FBXW11: variants seen among roughly 807,000 people sequenced by gnomAD.
The protein encoded by FBXW11 is F-box/WD repeat-containing protein 11.
Under a neutral mutation model 77.6 loss-of-function variants are expected in FBXW11, and 19 were observed. The observed-to-expected ratio is 0.24, with a 90% CI of 0.17 to 0.36. The LOEUF is 0.36. FBXW11 is among the 10% of genes least tolerant of loss of function. The pLI is 1.00. For synonymous variants in FBXW11, 235 were observed against 249.4 expected (o/e 0.94, Z 0.54); for missense variants, 334 against 704.2 (o/e 0.47, Z 5.95).
intron 7 of FBXW11, among the ~76,000 whole-genome samples, chr5:171,890,329 C>G (rs1581155924): frequency 6.6e-6 from 1 of 152,010 alleles, no homozygotes; most frequent in Non-Finnish European, 1.5e-5. Context: ...TCAAGACCAG[C>G]CTGGGCAACA....
intron 2 of FBXW11, among the ~76,000 whole-genome samples, chr5:171,956,443 T>C (rs1763618436): frequency 6.6e-6 from 1 of 152,166 alleles, no homozygotes; most frequent in Non-Finnish European, 1.5e-5. Context: ...GAACTCGCTC[T>C]CCAGTTAACT....
At chr5:171,944,501 G>C (rs1286635540) in intron 2 of FBXW11, among the ~76,000 whole-genome samples, 1 of 149,234 alleles carries the variant, frequency 6.7e-6, no homozygotes, top group Non-Finnish European at 1.5e-5. Flanking sequence ...CGTGAACCCC[G>C]GCAGGGCGGA....
intron 2 of FBXW11, among the ~76,000 whole-genome samples, chr5:171,916,011 T>C (rs1761209396): frequency 6.6e-6 from 1 of 151,476 alleles, no homozygotes; most frequent in South Asian, 2.1e-4. Flanking sequence ...ACACTGCATG[T>C]TCTCACTCAT....
chr5:171,961,649 A>AT (rs140027847), intron 1 of FBXW11, among the ~76,000 whole-genome samples: 31,281 of 150,342 alleles, frequency 0.21, 6,611 homozygotes, highest in African/African-American at 0.55. Flanking sequence ...ACAGTAATTG[A>AT]TTTTTTTTTT....
chr5:171,999,563 C>T (rs1490080606), intron 1 of FBXW11, among the ~76,000 whole-genome samples: 1 of 152,004 alleles, frequency 6.6e-6, no homozygotes, highest in Non-Finnish European at 1.5e-5. Flanking sequence ...CCCTCTGCCC[C>T]CTTTCTCTTT....
intron 1 of FBXW11, among the ~76,000 whole-genome samples, chr5:172,006,162 G>C (rs770191524): frequency 2.0e-5 from 3 of 152,226 alleles, no homozygotes; most frequent in Admixed American, 6.5e-5. Flanking sequence ...GAGCGAGTGC[G>C]ACCTAAGTCT....
chr5:171,999,215 G>A (rs1338686479), intron 1 of FBXW11, among the ~76,000 whole-genome samples: 2 of 152,106 alleles, frequency 1.3e-5, no homozygotes, highest in African/African-American at 2.4e-5. Context: ...ACTATGGCTA[G>A]TAGCGAACTG....
At chr5:171,910,022 C>T (rs987699376) in intron 4 of FBXW11, among the ~76,000 whole-genome samples, 8 of 149,838 alleles carry the variant, frequency 5.3e-5, no homozygotes, top group Non-Finnish European at 1.2e-4. Flanking sequence ...ACTCATTCAA[C>T]AGACCAAATG....
intron 1 of FBXW11, among the ~76,000 whole-genome samples, chr5:171,967,853 T>A (rs1320660490): frequency 2.1e-3 from 37 of 18,014 alleles, no homozygotes; most frequent in Admixed American, 4.8e-3. Context: ...AAAAAAAAAA[T>A]GCATATATAT....
rs771184353 is a variant in FBXW11, at chr5:171,868,743, G to A, written c.1584C>T (p.Ser528=). Residue 528 remains serine (S), a synonymous_variant, in exon 13 of 14, where the codon AGC becomes AGT. Coordinates refer to ENST00000517395, the MANE Select transcript of FBXW11 (RefSeq NM_001378974.1). ...RLQFDEFQII[S]SSHDDTILIW... ...TCAAAATAGTGTCATCATGGGAGCT[G>A]CTGATGATCTGAAACTCATCAAACT... is the stretch of plus-strand genomic sequence containing the variant. 4 of 1,613,792 alleles carry A rather than the reference G, an allele frequency of 2.5e-6. No individual in the cohort carries two copies. In the South Asian group the frequency reaches 4.4e-5, roughly 18 times the overall value.
intron 2 of FBXW11, among the ~76,000 whole-genome samples, chr5:171,948,105 C>T (rs181357635): frequency 3.5e-4 from 53 of 150,868 alleles, no homozygotes; most frequent in African/African-American, 1.1e-3. Context: ...CATGGTGGCA[C>T]GTGCCTGTAA....
At chr5:171,968,439 A>C (rs1170783365) in intron 1 of FBXW11, among the ~76,000 whole-genome samples, 4 of 145,514 alleles carry the variant, frequency 2.7e-5, no homozygotes, top group African/African-American at 1.0e-4. Flanking sequence ...CCTGGGCGAA[A>C]GAGCCAGACT....
rs951040334 is a variant in FBXW11, at chr5:171,896,177, G to A, written c.714+2827C>T. Among the ~76,000 whole-genome samples the A allele has an allele frequency of 5.9e-5, 9 of 152,186 alleles. 1 individual carries two copies. The highest frequency in any genetic ancestry group is 2.4e-5 in the African/African-American group (1 of 41,518). ...CCTCATCAGAGCCAAATCTGGGAAC[G>A]TACAGATTACAGGAGCTGGCACATA... On this transcript the variant is annotated intron_variant, in intron 6 of 13. Transcript: ENST00000517395.
chr5:171,994,508 C>T (rs1765919394), intron 1 of FBXW11, among the ~76,000 whole-genome samples: 1 of 152,114 alleles, frequency 6.6e-6, no homozygotes, highest in African/African-American at 2.4e-5. Context: ...AATGCTGAAT[C>T]AGTATACAGC....
Position 171,891,581 on chromosome 5 carries a change from A to G in FBXW11, c.738T>C (p.Cys246=). ...GAATCCTCTGCAAGTTGTGTCGTCC[A>G]CACCGCCAGTTAGATTCTATAGTCT... ...DIETIESNWR[C]GRHNLQRIQC... Residue 246 remains cysteine (C), a synonymous_variant, in exon 7 of 14, where the codon TGT becomes TGC. Coordinates refer to ENST00000517395, the MANE Select transcript of FBXW11 (RefSeq NM_001378974.1). 2 of 1,611,390 alleles carry G rather than the reference A, an allele frequency of 1.2e-6. No homozygotes were observed. The highest frequency in any genetic ancestry group is 1.7e-6 in the Non-Finnish European group (2 of 1,178,940).
At chr5:171,877,585 T>C (rs1758179533) in intron 8 of FBXW11, among the ~76,000 whole-genome samples, 2 of 151,936 alleles carry the variant, frequency 1.3e-5, no homozygotes. Context: ...TGAGACATGA[T>C]CTCTGGCAGA....
intron 2 of FBXW11, among the ~76,000 whole-genome samples, chr5:171,955,831 CT>C (rs1763580179): frequency 1.3e-5 from 2 of 151,570 alleles, no homozygotes; most frequent in Admixed American, 6.6e-5. Context: ...AAAAAAAAAT[CT>C]TTTTTTCCTT....
chr5:171,877,490 C>T (rs970354329), intron 8 of FBXW11, among the ~76,000 whole-genome samples: 2 of 152,128 alleles, frequency 1.3e-5, no homozygotes, highest in African/African-American at 4.8e-5. Context: ...GCAGCATTTC[C>T]ACATCACGGC....
rs6878400 is a variant in FBXW11 at position 171,996,763 on chromosome 5, C to T, written c.45+9695G>A. 4,424 of 587,504 alleles carry T rather than the reference C, an allele frequency of 7.5e-3. 172 individuals are homozygous for T. In the African/African-American group the frequency reaches 0.079, roughly 10 times the overall value. The allele number at this position is 587,504 out of a possible 1,614,324, so 36.4% of individuals were successfully genotyped here. ...TCAAACATGGCCAAACATGACACTA[C>T]GCACAAACGTCTAATATTTCTCCCT... On this transcript the variant is annotated intron_variant, in intron 1 of 13. Coordinates refer to ENST00000517395, the MANE Select transcript of FBXW11 (RefSeq NM_001378974.1).
Sources: allele counts gnomAD v4.1 joint callset (sites outside exome capture counted in the v4.1 genomes callset), GRCh38; gene constraint gnomAD v4.1.1; transcripts MANE v1.5; gene names NCBI Gene and HGNC (gene_info 2026-07-23, HGNC 2026-07-21).